LRRC4C: variants seen among roughly 807,000 people sequenced by gnomAD.
The protein encoded by LRRC4C is leucine-rich repeat-containing protein 4C.
In LRRC4C, 5 loss-of-function variants were observed where a neutral mutation model predicts 33.6. That is an observed-to-expected ratio of 0.15 (90% CI 0.08 to 0.31). LRRC4C has a LOEUF of 0.31. Among genes scored for constraint, LRRC4C ranks in the 10% least tolerant of loss-of-function variants. LRRC4C has a pLI of 1.00. For synonymous variants in LRRC4C, 329 were observed against 302.0 expected (o/e 1.09, Z -0.93); for missense variants, 560 against 796.7 (o/e 0.70, Z 3.58).
intron 2 of LRRC4C, among the ~76,000 whole-genome samples, chr11:40,763,881 A>G (rs1332334603): frequency 6.6e-6 from 1 of 152,180 alleles, no homozygotes; most frequent in Admixed American, 6.5e-5. Flanking sequence ...AAGGCAGTCT[A>G]TGCCACAGGG....
chr11:41,085,292 T>A (rs2135510365), intron 1 of LRRC4C, among the ~76,000 whole-genome samples: 1 of 152,302 alleles, frequency 6.6e-6, no homozygotes, highest in Middle Eastern at 3.4e-3. Context: ...ATCTTTACCC[T>A]GGGCTCTCAA....
chr11:40,390,471 A>G (rs914217010), intron 3 of LRRC4C, among the ~76,000 whole-genome samples: 3 of 152,234 alleles, frequency 2.0e-5, no homozygotes, highest in African/African-American at 7.2e-5. Flanking sequence ...CTCACAACCT[A>G]AAATCTATCT....
chr11:41,454,555 C>T (rs189007046), intron 1 of LRRC4C, among the ~76,000 whole-genome samples: 1 of 152,228 alleles, frequency 6.6e-6, no homozygotes, highest in Non-Finnish European at 1.5e-5. Flanking sequence ...ATTAACACCT[C>T]TTGCTGACAT....
chr11:40,273,158 C>T (rs372117617), intron 4 of LRRC4C, among the ~76,000 whole-genome samples: 5 of 151,932 alleles, frequency 3.3e-5, no homozygotes, highest in African/African-American at 7.3e-5. Flanking sequence ...TGATTTAATA[C>T]GCAGTATGTA....
chr11:41,336,311 G>T (rs1951451246), intron 1 of LRRC4C, among the ~76,000 whole-genome samples: 1 of 150,834 alleles, frequency 6.6e-6, no homozygotes, highest in African/African-American at 2.4e-5. Flanking sequence ...CTACAACAAT[G>T]AAAAGGTTAG....
intron 2 of LRRC4C, among the ~76,000 whole-genome samples, chr11:40,771,095 C>T (rs1433384077): frequency 1.3e-5 from 2 of 152,208 alleles, no homozygotes; most frequent in Non-Finnish European, 2.9e-5. Flanking sequence ...TCTGCACTGC[C>T]TTAGCAGAGT....
At chr11:40,247,567 A>T (rs1294925226) in intron 4 of LRRC4C, among the ~76,000 whole-genome samples, 2 of 152,316 alleles carry the variant, frequency 1.3e-5, no homozygotes, top group Non-Finnish European at 1.5e-5. Flanking sequence ...CAAAAATCAC[A>T]CAGAGAAAGT....
chr11:40,225,054 G>A lies in LRRC4C; in HGVS notation c.-96+16465C>T, dbSNP rs1014119550. Among the ~76,000 whole-genome samples, 5 of 152,170 alleles carry A rather than the reference G, an allele frequency of 3.3e-5. No individual in the cohort carries two copies. In the South Asian group the frequency reaches 6.2e-4, roughly 19 times the overall value. On this transcript the variant is annotated intron_variant, in intron 5 of 6. Transcript: ENST00000528697. The stretch of plus-strand genomic sequence containing the variant: ...GCAACTGTAAAATATGAAGAGACCA[G>A]TAAAAACTTTTGTGGAAATGAATAC...
intron 4 of LRRC4C, among the ~76,000 whole-genome samples, chr11:40,277,554 A>G (rs1943199133): frequency 6.6e-6 from 1 of 152,128 alleles, no homozygotes; most frequent in Non-Finnish European, 1.5e-5. Flanking sequence ...AAAGAAATCT[A>G]GTATCAAATT....
At chr11:41,142,494 T>C (rs926124772) in intron 1 of LRRC4C, among the ~76,000 whole-genome samples, 1 of 152,198 alleles carries the variant, frequency 6.6e-6, no homozygotes, top group African/African-American at 2.4e-5. Flanking sequence ...TAGGAACTAC[T>C]GATTTAATGG....
chr11:41,102,251 T>C (rs1941236538), intron 1 of LRRC4C, among the ~76,000 whole-genome samples: 1 of 152,108 alleles, frequency 6.6e-6, no homozygotes, highest in East Asian at 1.9e-4. Flanking sequence ...ATAAAAAATG[T>C]TTATTCCACT....
intron 5 of LRRC4C, among the ~76,000 whole-genome samples, chr11:40,203,471 T>G (rs1006652587): frequency 6.6e-6 from 1 of 152,158 alleles, no homozygotes; most frequent in Non-Finnish European, 1.5e-5. Flanking sequence ...CGAGGGGATG[T>G]TTACTATGTT....
chr11:40,351,012 G>A (rs998418626), intron 3 of LRRC4C, among the ~76,000 whole-genome samples: 3 of 151,746 alleles, frequency 2.0e-5, no homozygotes, highest in African/African-American at 7.3e-5. Flanking sequence ...TCCAAATATA[G>A]GATCATATCA....
At chr11:41,206,290 G>C (rs1946598891) in intron 1 of LRRC4C, among the ~76,000 whole-genome samples, 1 of 152,138 alleles carries the variant, frequency 6.6e-6, no homozygotes, top group Non-Finnish European at 1.5e-5. Flanking sequence ...GAATTGCTCA[G>C]TGTTTTAGAA....
At chr11:41,161,063 T>A (rs773341171) in intron 1 of LRRC4C, among the ~76,000 whole-genome samples, 1 of 152,148 alleles carries the variant, frequency 6.6e-6, no homozygotes, top group Non-Finnish European at 1.5e-5. Flanking sequence ...AGAAGACTAA[T>A]AAACCATGTG....
chr11:41,299,822 T>A (rs1950237474), intron 1 of LRRC4C, among the ~76,000 whole-genome samples: 1 of 152,140 alleles, frequency 6.6e-6, no homozygotes, highest in African/African-American at 2.4e-5. Flanking sequence ...TTATGAAGAC[T>A]TGATAACTAT....
At chr11:40,569,591 A>G (rs984140343) in intron 3 of LRRC4C, among the ~76,000 whole-genome samples, 2 of 152,128 alleles carry the variant, frequency 1.3e-5, no homozygotes, top group African/African-American at 4.8e-5. Flanking sequence ...TTTTAATTAA[A>G]GTGTCATCCA....
intron 2 of LRRC4C, among the ~76,000 whole-genome samples, chr11:40,734,433 GACAATCA>G (rs1169200278): frequency 2.0e-5 from 3 of 152,066 alleles, no homozygotes; most frequent in Non-Finnish European, 4.4e-5. Flanking sequence ...CAGAGACAGA[GACAATCA>G]ACAACAATAC....
intron 2 of LRRC4C, among the ~76,000 whole-genome samples, chr11:40,720,817 T>C (rs1946975114): frequency 6.6e-6 from 1 of 152,218 alleles, no homozygotes; most frequent in South Asian, 2.1e-4. Context: ...TAGTATGATG[T>C]ATAGGTGTTA....
Sources: gnomAD v4.1 joint callset for allele counts (sites outside exome capture counted in the v4.1 genomes callset) on GRCh38, gnomAD v4.1.1 for gene constraint, MANE v1.5 for transcripts, NCBI Gene and HGNC (gene_info 2026-07-23, HGNC 2026-07-21) for gene names.